The following PPM1L variants were observed in gnomAD, a reference collection of about 807,000 sequenced individuals.
PPM1L encodes the protein protein phosphatase, Mg2+/Mn2+ dependent 1L, also known as protein phosphatase 1L.
A neutral mutation model predicts 31.4 loss-of-function variants in PPM1L; 13 were observed. The ratio of observed to expected loss-of-function variants is 0.41; its 90% CI spans 0.27 to 0.66. The LOEUF (loss-of-function observed/expected upper bound fraction) is 0.66, where lower values mean the gene tolerates loss of function less well. PPM1L is among the 30% of genes least tolerant of loss of function. PPM1L has a pLI of 0.29. For missense variants in PPM1L, 326 were observed against 453.7 expected, an observed-to-expected ratio of 0.72 and a Z score of 2.56; for synonymous variants, 184 against 175.4, an observed-to-expected ratio of 1.05 and a Z score of -0.39.
chr3:160,956,793 C>A (rs900709957), intron 1 of PPM1L, among the ~76,000 whole-genome samples: 3 of 152,160 alleles, frequency 2.0e-5, no homozygotes, highest in Non-Finnish European at 4.4e-5. Context: ...CTTTTATTCT[C>A]TATCTGAAAT....
At chr3:160,840,448 T>A (rs1362335450) in intron 1 of PPM1L, among the ~76,000 whole-genome samples, 1 of 152,072 alleles carries the variant, frequency 6.6e-6, no homozygotes, top group Non-Finnish European at 1.5e-5. Flanking sequence ...CATATAGATA[T>A]ACGAGCTGAA....
At chr3:160,877,779 C>T (rs1350842998) in intron 1 of PPM1L, among the ~76,000 whole-genome samples, 8 of 152,090 alleles carry the variant, frequency 5.3e-5, no homozygotes, top group African/African-American at 7.2e-5. Flanking sequence ...ACATAACACA[C>T]GAAGGAGCTG....
At position 161,073,040 on chromosome 3, in the gene PPM1L, G is replaced by T. The variant is rs1719981852; in HGVS notation, c.*3883G>T. 2 of 152,122 alleles carry T rather than the reference G, an allele frequency of 1.3e-5. No homozygotes were observed. The allele number at this position is 152,122 out of a possible 1,614,324, so 9.4% of individuals were successfully genotyped here. On this transcript the variant is annotated 3_prime_UTR_variant, in exon 4 of 4. Coordinates refer to ENST00000498165, the MANE Select transcript of PPM1L (RefSeq NM_139245.4). Reference sequence around the variant, plus strand: ...TTAAGTCATTGATAGCTAGACTTTTGAGCTAGTTAGCTGTAGAAATAATAG... The same window carrying T: ...TTAAGTCATTGATAGCTAGACTTTTTAGCTAGTTAGCTGTAGAAATAATAG...
intron 1 of PPM1L, among the ~76,000 whole-genome samples, chr3:160,827,616 A>G (rs1002257853): frequency 6.6e-6 from 1 of 152,066 alleles, no homozygotes. Context: ...AAGTATAAAA[A>G]CATGTGGCCA....
At chr3:160,870,381 C>T (rs1712260361) in intron 1 of PPM1L, among the ~76,000 whole-genome samples, 2 of 152,178 alleles carry the variant, frequency 1.3e-5, no homozygotes, top group South Asian at 2.1e-4. Flanking sequence ...CAGAACTAGC[C>T]GAATGGTTCA....
chr3:161,020,308 C>T (rs1718205591), intron 2 of PPM1L, among the ~76,000 whole-genome samples: 1 of 151,874 alleles, frequency 6.6e-6, no homozygotes, highest in Non-Finnish European at 1.5e-5. Context: ...ACCCTGTTTC[C>T]TCCCTTTAAA....
chr3:160,805,918 A>G (rs1041250821), intron 1 of PPM1L, among the ~76,000 whole-genome samples: 8 of 152,124 alleles, frequency 5.3e-5, no homozygotes, highest in Admixed American at 1.3e-4. Flanking sequence ...GCATCTCTTG[A>G]AAATCTGCAA....
intron 2 of PPM1L, among the ~76,000 whole-genome samples, chr3:161,037,104 C>T (rs991387009): frequency 6.6e-6 from 1 of 152,230 alleles, no homozygotes; most frequent in Non-Finnish European, 1.5e-5. Context: ...ATACTTCTCT[C>T]ATTGCGGTGG....
rs754296874 is a variant in PPM1L at position 161,052,357 on chromosome 3, T to C, written c.575-13046T>C. ...CCCCTGCTGTCTGGCCAGCCTTACTTATCAGGGAGAGCAGGAAGAGAGGAT... is the reference window on the plus strand; with the variant it reads ...CCCCTGCTGTCTGGCCAGCCTTACTCATCAGGGAGAGCAGGAAGAGAGGAT... On this transcript the variant is annotated intron_variant, in intron 2 of 3. Transcript: ENST00000498165. Among the ~76,000 whole-genome samples, 26 of 152,276 alleles carry C rather than the reference T, an allele frequency of 1.7e-4. 1 individual carries two copies. The highest frequency in any genetic ancestry group is 3.4e-3 in the Middle Eastern group (1 of 294).
intron 1 of PPM1L, among the ~76,000 whole-genome samples, chr3:160,940,096 C>T (rs1715111579): frequency 6.6e-6 from 1 of 152,100 alleles, no homozygotes; most frequent in African/African-American, 2.4e-5. Context: ...TGGCATTTTG[C>T]CTCCGCCCTA....
chr3:160,853,754 C>T (rs1048149202), intron 1 of PPM1L, among the ~76,000 whole-genome samples: 4 of 152,016 alleles, frequency 2.6e-5, no homozygotes, highest in Admixed American at 2.0e-4. Flanking sequence ...AAGGTGTATA[C>T]ATTATGAGCA....
intron 1 of PPM1L, among the ~76,000 whole-genome samples, chr3:160,835,528 A>G (rs1240627377): frequency 6.6e-6 from 1 of 152,046 alleles, no homozygotes; most frequent in Non-Finnish European, 1.5e-5. Context: ...TCACATCTAT[A>G]GCTTTTATTC....
intron 2 of PPM1L, among the ~76,000 whole-genome samples, chr3:160,978,793 G>T (rs1283278530): frequency 6.6e-6 from 1 of 152,004 alleles, no homozygotes. Flanking sequence ...TCATGCTACT[G>T]TACTCCAGCC....
intron 2 of PPM1L, among the ~76,000 whole-genome samples, chr3:161,011,165 C>T (rs1461475552): frequency 6.6e-6 from 1 of 152,140 alleles, no homozygotes; most frequent in East Asian, 1.9e-4. Flanking sequence ...ACATGTAAGT[C>T]TTTAATCCAT....
At chr3:160,979,445 G>A (rs1432190816) in intron 2 of PPM1L, among the ~76,000 whole-genome samples, 2 of 152,020 alleles carry the variant, frequency 1.3e-5, no homozygotes, top group Non-Finnish European at 2.9e-5. Flanking sequence ...AGAAACCAGA[G>A]TACCTTGGGA....
intron 2 of PPM1L, among the ~76,000 whole-genome samples, chr3:161,003,056 T>A (rs991237774): frequency 6.6e-6 from 1 of 150,670 alleles, no homozygotes; most frequent in African/African-American, 2.4e-5. Flanking sequence ...TTTCTACATA[T>A]GGCTAGCCAG....
At chr3:160,825,701 C>T (rs1478033543) in intron 1 of PPM1L, among the ~76,000 whole-genome samples, 2 of 152,136 alleles carry the variant, frequency 1.3e-5, no homozygotes, top group Non-Finnish European at 2.9e-5. Context: ...ATAAGAATGA[C>T]TTTACCGTTA....
At chr3:160,769,436 G>A (rs1715191100) in intron 1 of PPM1L, among the ~76,000 whole-genome samples, 1 of 152,146 alleles carries the variant, frequency 6.6e-6, no homozygotes, top group Non-Finnish European at 1.5e-5. Flanking sequence ...TTATTTGGGA[G>A]CTGAGACATA....
intron 1 of PPM1L, among the ~76,000 whole-genome samples, chr3:160,946,460 A>G (rs1048965687): frequency 6.6e-6 from 1 of 152,208 alleles, no homozygotes; most frequent in Non-Finnish European, 1.5e-5. Flanking sequence ...AGGGTAAATC[A>G]CATTACTTCT....
Sources: allele counts gnomAD v4.1 joint callset (sites outside exome capture counted in the v4.1 genomes callset), GRCh38; gene constraint gnomAD v4.1.1; transcripts MANE v1.5; gene names NCBI Gene and HGNC (gene_info 2026-07-23, HGNC 2026-07-21).